The following SLC35A1 variants were observed in gnomAD, a reference collection of about 807,000 sequenced individuals.
SLC35A1 encodes the protein CMP-sialic acid transporter.
SLC35A1 carries 21 observed loss-of-function variants against 40.3 expected under a neutral mutation model. The observed-to-expected ratio is 0.52, with a 90% CI of 0.37 to 0.75. The LOEUF is 0.75. Ranked by LOEUF, SLC35A1 falls within the 30% of genes least tolerant of loss-of-function variation. The probability of loss-of-function intolerance (pLI) is 0.00; values close to 1 mark genes in which losing one functional copy is unlikely to be tolerated. For synonymous variants in SLC35A1, 146 were observed against 147.3 expected (o/e 0.99, Z 0.06); for missense variants, 297 against 382.1 (o/e 0.78, Z 1.86).
Position 87,483,310 on chromosome 6 carries a change from C to T in SLC35A1, c.194+5771C>T, listed in dbSNP as rs543510387. ...GCTTATGCTGCTGTTCTTCCCTCTCCTCCTTCCCCTAGGGGAGCGACCAGT... is the reference window on the plus strand; with the variant it reads ...GCTTATGCTGCTGTTCTTCCCTCTCTTCCTTCCCCTAGGGGAGCGACCAGT... On this transcript the variant is annotated intron_variant, in intron 2 of 7. Transcript: ENST00000369552. Among the ~76,000 whole-genome samples, 310 of 152,094 alleles carry T rather than the reference C, an allele frequency of 2.0e-3. 1 individual carries two copies. Among genetic ancestry groups the T allele is most frequent in the Non-Finnish European group, 2.0e-3 (133 of 67,994 alleles).
intron 4 of SLC35A1, among the ~76,000 whole-genome samples, chr6:87,505,333 A>C (rs1024633434): frequency 6.6e-6 from 1 of 152,204 alleles, no homozygotes; most frequent in Non-Finnish European, 1.5e-5. Flanking sequence ...TTCAGGAAAG[A>C]CTGATGAAAG....
chr6:87,474,396 A>T (rs1001877067), intron 1 of SLC35A1, among the ~76,000 whole-genome samples: 1 of 152,232 alleles, frequency 6.6e-6, no homozygotes, highest in Non-Finnish European at 1.5e-5. Context: ...TTAAACTGTA[A>T]GTTTCTTTTG....
chr6:87,477,340 C>G (rs1582164815), intron 1 of SLC35A1, 22 bp from the exon 2 acceptor site: 2 of 1,601,708 alleles, frequency 1.2e-6, no homozygotes, highest in African/African-American at 1.3e-5. Flanking sequence ...TAAGTAATGT[C>G]TTTGTTGCAC....
At chr6:87,506,649 A>T (rs1254946178) in intron 5 of SLC35A1, among the ~76,000 whole-genome samples, 4 of 152,182 alleles carry the variant, frequency 2.6e-5, no homozygotes, top group African/African-American at 4.8e-5. Flanking sequence ...GTCCCTATTC[A>T]TACTTGCAGT....
At position 87,512,175 on chromosome 6, in the gene SLC35A1, C is replaced by T. The variant is rs1562029591; in HGVS notation, c.*649C>T. 3 of 152,828 alleles carry T rather than the reference C, an allele frequency of 2.0e-5. No homozygotes were observed. Among genetic ancestry groups the T allele is most frequent in the African/African-American group, 4.8e-5 (2 of 41,516 alleles). The allele number at this position is 152,828 out of a possible 1,614,324, so 9.5% of individuals were successfully genotyped here. A position where few individuals can be genotyped will look rare whatever the true frequency, so the allele number is the denominator to read the frequency against. The stretch of plus-strand genomic sequence containing the variant: ...TCATTATCTGGTTCATATTTCTTTT[C>T]TGTTAGATGATACACATTTCTTCAA... On this transcript the variant is annotated 3_prime_UTR_variant, in exon 8 of 8. Transcript: ENST00000369552.
chr6:87,491,951 T>A (rs1769564063), intron 2 of SLC35A1, among the ~76,000 whole-genome samples: 1 of 152,188 alleles, frequency 6.6e-6, no homozygotes, highest in Admixed American at 6.5e-5. Flanking sequence ...TTTTAAGGGG[T>A]AACACATTTA....
At chr6:87,497,856 G>A (rs150617096) in intron 2 of SLC35A1, among the ~76,000 whole-genome samples, 300 of 151,528 alleles carry the variant, frequency 2.0e-3, no homozygotes, top group African/African-American at 7.0e-3. Context: ...AGCCTCCTGC[G>A]TAGCTGGGAT....
At chr6:87,484,046 A>G (rs1343281407) in intron 2 of SLC35A1, among the ~76,000 whole-genome samples, 2 of 152,136 alleles carry the variant, frequency 1.3e-5, no homozygotes. Flanking sequence ...GACTTTGACC[A>G]CCAAGGAAGT....
At chr6:87,508,205 AGTT>A (rs992285516) in intron 5 of SLC35A1, among the ~76,000 whole-genome samples, 1 of 152,110 alleles carries the variant, frequency 6.6e-6, no homozygotes, top group Non-Finnish European at 1.5e-5. Flanking sequence ...CTTCCCAATT[AGTT>A]ATTATTCTAT....
intron 1 of SLC35A1, among the ~76,000 whole-genome samples, chr6:87,477,106 T>C (rs1393941078): frequency 1.3e-5 from 2 of 152,164 alleles, no homozygotes; most frequent in South Asian, 2.1e-4. Context: ...AGTCTTGCAA[T>C]TGGGGCACTC....
intron 2 of SLC35A1, among the ~76,000 whole-genome samples, chr6:87,486,131 T>C (rs932527031): frequency 6.6e-6 from 1 of 152,190 alleles, no homozygotes. Context: ...TGGTGGTTTG[T>C]TTATTTAGTA....
chr6:87,511,272 C>T (rs761480071), intron 7 of SLC35A1, 127 bp from the exon 8 acceptor site: 4 of 1,011,284 alleles, frequency 4.0e-6, no homozygotes, highest in Non-Finnish European at 6.0e-6. Context: ...CTTTCTAAAC[C>T]TTGCCATCAT....
intron 6 of SLC35A1, 71 bp from the exon 7 acceptor site, chr6:87,508,970 A>T (rs1344692653): frequency 6.6e-7 from 1 of 1,523,690 alleles, no homozygotes; most frequent in Non-Finnish European, 9.1e-7. Flanking sequence ...TCTGGGGATG[A>T]AAATTGCCTC....
chr6:87,511,144 A>G (rs1002562530), intron 7 of SLC35A1, among the ~76,000 whole-genome samples: 4 of 152,162 alleles, frequency 2.6e-5, no homozygotes, highest in Non-Finnish European at 4.4e-5. Context: ...GTGGTCAGAT[A>G]GTGTCAGTTA....
chr6:87,480,329 G>T (rs183666268), intron 2 of SLC35A1, among the ~76,000 whole-genome samples: 1 of 152,340 alleles, frequency 6.6e-6, no homozygotes, highest in East Asian at 1.9e-4. Context: ...AAGCTACCAT[G>T]CACTCCATGT....
intron 1 of SLC35A1, among the ~76,000 whole-genome samples, chr6:87,473,715 G>A (rs1307231629): frequency 6.6e-6 from 1 of 152,206 alleles, no homozygotes; most frequent in Non-Finnish European, 1.5e-5. Flanking sequence ...CATTTAAGGA[G>A]GGCGAGTCTA....
intron 2 of SLC35A1, among the ~76,000 whole-genome samples, chr6:87,479,929 A>G (rs192972508): frequency 1.9e-3 from 284 of 152,338 alleles, no homozygotes; most frequent in African/African-American, 6.6e-3. Context: ...AGCTTCTCTC[A>G]CTTTATGATG....
intron 2 of SLC35A1, among the ~76,000 whole-genome samples, chr6:87,489,901 T>C (rs1367982825): frequency 2.6e-5 from 4 of 151,728 alleles, no homozygotes; most frequent in African/African-American, 9.7e-5. Flanking sequence ...ACAAAGACAG[T>C]ATTTAACATA....
chr6:87,485,994 CT>C (rs1769377904), intron 2 of SLC35A1, among the ~76,000 whole-genome samples: 2 of 152,114 alleles, frequency 1.3e-5, no homozygotes, highest in Admixed American at 1.3e-4. Context: ...AAGCTTCTTC[CT>C]TTTTGCCCAT....
Sources: gnomAD v4.1 joint callset for allele counts (sites outside exome capture counted in the v4.1 genomes callset) on GRCh38, gnomAD v4.1.1 for gene constraint, MANE v1.5 for transcripts, NCBI Gene and HGNC (gene_info 2026-07-23, HGNC 2026-07-21) for gene names.